The following HUWE1 variants were observed in gnomAD, a reference collection of about 807,000 sequenced individuals.
HUWE1 encodes the protein E3 ubiquitin-protein ligase HUWE1.
HUWE1 carries 18 observed loss-of-function variants against 299.4 expected under a neutral mutation model. The ratio of observed to expected loss-of-function variants is 0.06; its 90% CI spans 0.04 to 0.09. The LOEUF (loss-of-function observed/expected upper bound fraction) is 0.09. Among genes scored for constraint, HUWE1 ranks in the 10% least tolerant of loss-of-function variants. The probability of loss-of-function intolerance (pLI) is 1.00; values close to 1 mark genes in which losing one functional copy is unlikely to be tolerated. For synonymous variants in HUWE1, 1,317 were observed against 1,286.1 expected (o/e 1.02, Z -0.51); for missense variants, 1,832 against 3,462.3 (o/e 0.53, Z 11.82).
At chrX:53,570,202 ACAGTCT>A (rs1337823667) in intron 47 of HUWE1, among the ~76,000 whole-genome samples, 1 of 103,368 alleles carries the variant, frequency 9.7e-6, no homozygotes, top group Non-Finnish European at 1.9e-5. Flanking sequence ...ATCGCACACC[ACAGTCT>A]CAAACTCCTG....
In HUWE1 at chrX:53,541,564, A is replaced by AC. The variant is rs782734861; in HGVS notation, c.11476+878dup. 6.3e-5 allele frequency among the ~76,000 whole-genome samples: 7 copies of AC among 111,829 alleles called. No individual in the cohort carries two copies. In the South Asian group the frequency reaches 2.6e-3, roughly 42 times the overall value. The stretch of plus-strand genomic sequence containing the variant: ...AGCCGAGATTGCACCACTGCACTCC[A>AC]CCCTGGGAGACAGAGCTAGACTCTG... On this transcript the variant is annotated intron_variant, in intron 74 of 83. Transcript: ENST00000262854.
At chrX:53,659,395 C>G (rs1166342416) in intron 3 of HUWE1, among the ~76,000 whole-genome samples, 1 of 111,782 alleles carries the variant, frequency 8.9e-6, no homozygotes, top group African/African-American at 3.3e-5. Context: ...CATGAACAAA[C>G]ATGGAGGAAA....
At chrX:53,611,200 A>G (rs2065441416) in intron 23 of HUWE1, among the ~76,000 whole-genome samples, 2 of 109,295 alleles carry the variant, frequency 1.8e-5, no homozygotes, top group Non-Finnish European at 1.9e-5. Flanking sequence ...AAAAAAAAAA[A>G]AAAAAAAAAG....
chrX:53,547,216 G>A (rs1053657556), intron 68 of HUWE1, among the ~76,000 whole-genome samples: 1 of 111,934 alleles, frequency 8.9e-6, no homozygotes, highest in Non-Finnish European at 1.9e-5. Context: ...ACTAATCTGT[G>A]GCAGGGCTCA....
chrX:53,595,061 A>G lies in HUWE1; in HGVS notation c.3380+126T>C, dbSNP rs1205414081. The G allele has an allele frequency of 1.1e-5, 6 of 546,549 alleles. No individual in the cohort carries two copies. The African/African-American group carries it at 1.4e-4, about 13-fold the overall frequency. 45.0% of individuals were successfully genotyped at this position (546,549 alleles called of 1,213,427 possible). A position where few individuals can be genotyped will look rare whatever the true frequency, so the allele number is the denominator to read the frequency against. Reference sequence around the variant, plus strand: ...ACAAGTAACTTACACTTCATTTTCTAGAGTAAACAAGGGACCTCCAAATTC... The same window carrying G: ...ACAAGTAACTTACACTTCATTTTCTGGAGTAAACAAGGGACCTCCAAATTC... On this transcript the variant is annotated intron_variant, in intron 30 of 83. Coordinates refer to ENST00000262854, the MANE Select transcript of HUWE1 (RefSeq NM_031407.7).
In HUWE1 at chrX:53,583,938, G is replaced by C. The variant is rs1556970591; in HGVS notation, c.5162-22C>G. ...GTATCTATAAAATGGGAAAATAACA[G>C]TTTTAGACAGTTTAACTTGATGTTT... On this transcript the variant is annotated intron_variant, in intron 41 of 83. Coordinates refer to ENST00000262854, the MANE Select transcript of HUWE1 (RefSeq NM_031407.7). 3 of 1,103,420 alleles carry C rather than the reference G, an allele frequency of 2.7e-6. No homozygotes were observed. In the East Asian group the frequency reaches 9.0e-5, roughly 33 times the overall value. 90.9% of individuals were successfully genotyped at this position (1,103,420 alleles called of 1,213,427 possible).
At chrX:53,613,701 A>G (rs1240347652) in intron 23 of HUWE1, among the ~76,000 whole-genome samples, 1 of 111,699 alleles carries the variant, frequency 9.0e-6, no homozygotes, top group Non-Finnish European at 1.9e-5. Context: ...GTAAATTCCA[A>G]AGCCTTCTAC....
At position 53,573,943 on chromosome X, in the gene HUWE1, C is replaced by T. The variant is rs1556955521; in HGVS notation, c.6119G>A (p.Arg2040Gln). 13 of 1,208,420 alleles carry T rather than the reference C, an allele frequency of 1.1e-5. No individual in the cohort carries two copies. Among genetic ancestry groups the T allele is most frequent in the Admixed American group, 2.2e-5 (1 of 45,793 alleles). Residue 2040 changes from arginine to glutamine, a missense_variant, in exon 47 of 84, where the codon CGA becomes CAA. Transcript: ENST00000262854. ...QGEASTPEES[R>Q]DGKKDKEGDR... ...CCCTTCTTTATCTTTCTTCCCATCT[C>T]GAGACTCCTCTGGAGTTGAAGCTGT...
At chrX:53,548,530 C>G (rs188761482) in intron 67 of HUWE1, among the ~76,000 whole-genome samples, 2 of 112,959 alleles carry the variant, frequency 1.8e-5, no homozygotes, top group East Asian at 5.5e-4. Flanking sequence ...GAGATAACTA[C>G]ACTTCCTTGC....
chrX:53,546,919 G>A, intron 68 of HUWE1, 94 bp from the exon 69 acceptor site: 1 of 1,057,087 alleles, frequency 9.5e-7, no homozygotes, highest in East Asian at 3.3e-5. Flanking sequence ...ATTGCCCAGG[G>A]CTTCAAAATG....
chrX:53,588,365 A>T lies in HUWE1; in HGVS notation c.4614+17T>A, dbSNP rs1556975175. On this transcript the variant is annotated intron_variant, in intron 37 of 83. Transcript: ENST00000262854. The stretch of plus-strand genomic sequence containing the variant: ...TTTCATGAATGAATTACAAGGCCCC[A>T]AAGATCTAAATCTTACCTCAAAAAG... 1 of 1,203,899 alleles carries T rather than the reference A, an allele frequency of 8.3e-7. No individual in the cohort carries two copies. Among genetic ancestry groups the T allele is most frequent in the Non-Finnish European group, 1.1e-6 (1 of 890,604 alleles).
rs2062955752 is a variant in HUWE1, at chrX:53,573,827, C to A, written c.6235G>T (p.Val2079Leu). The change falls in exon 47 of 84, where the codon GTG becomes TTG. Residue 2079 changes from valine to leucine, a missense_variant. Around this residue, in one of 15 missense-constraint regions of HUWE1, gnomAD observed 157 missense variants for 252.3 expected, o/e 0.62. Transcript: ENST00000262854. ...GTAGCAATACCAACATAGGACCTCA[C>A]CAACTCTGCCAGAAGACGAAGGATA... is the stretch of plus-strand genomic sequence containing the variant. ...STILRLLAELVRSYVGIATLI... is the reference protein window; with the variant it reads ...STILRLLAELLRSYVGIATLI... 8.3e-7 allele frequency: 1 copy of A among 1,209,556 alleles called. No homozygotes were observed. The highest frequency in any genetic ancestry group is 1.1e-6 in the Non-Finnish European group (1 of 894,508).
chrX:53,546,668 C>T, intron 69 of HUWE1, 36 bp downstream of exon 69: 9 of 1,210,616 alleles, frequency 7.4e-6, no homozygotes, highest in Non-Finnish European at 1.0e-5. Context: ...ATCCTTTCTC[C>T]CCAAGTCTTA....
rs782360767 is a variant in HUWE1 at position 53,549,181 on chromosome X, C to G, written c.9813G>C (p.Leu3271=). Reference sequence around the variant, plus strand: ...AGCTCTTTGACTCCATCTTGTGTAGCAGGTCCAGGGGACGGTTCTCATGGC... The same window carrying G: ...AGCTCTTTGACTCCATCTTGTGTAGGAGGTCCAGGGGACGGTTCTCATGGC... ...SSSHENRPLD[L]LHKMESKSSN... Residue 3271 remains leucine (L), a synonymous_variant, in exon 67 of 84, where the codon CTG becomes CTC. Coordinates refer to ENST00000262854, the MANE Select transcript of HUWE1 (RefSeq NM_031407.7). 1.6e-6 allele frequency: 2 copies of G among 1,212,185 alleles called. No homozygotes were observed. The highest frequency in any genetic ancestry group is 3.5e-5 in the South Asian group (2 of 57,025).
In HUWE1 at chrX:53,603,420, A is replaced by G. The variant is rs2064988897; in HGVS notation, c.2824T>C (p.Cys942Arg). ...ACAGTGCTTTCCCACACCAGGGAAC[A>G]GTATAACTGGCTCAGCTTGCTCAAA... ...SVLSKLSQLY[C>R]SLVWESTVLL... is the part of the protein sequence containing the mutation. The change falls in exon 27 of 84, where the codon TGT becomes CGT. Residue 942 changes from cysteine (C) to arginine (R), a missense_variant. Physicochemically the swap from Cys to Arg is radical, Grantham distance 180. Coordinates refer to ENST00000262854, the MANE Select transcript of HUWE1 (RefSeq NM_031407.7). 1 of 1,208,073 alleles carries G rather than the reference A, an allele frequency of 8.3e-7. No individual in the cohort carries two copies. Among genetic ancestry groups the G allele is most frequent in the African/African-American group, 1.7e-5 (1 of 57,746 alleles).
At chrX:53,682,640 C>T (rs1220868053) in intron 2 of HUWE1, among the ~76,000 whole-genome samples, 1 of 110,508 alleles carries the variant, frequency 9.0e-6, no homozygotes, top group East Asian at 2.8e-4. Flanking sequence ...GATTCAGCTC[C>T]TGGAAAAGGA....
chrX:53,547,913 C>G lies in HUWE1; in HGVS notation c.10396G>C (p.Glu3466Gln). The G allele has an allele frequency of 1.7e-6, 2 of 1,210,961 alleles. No individual in the cohort carries two copies. The highest frequency in any genetic ancestry group is 2.2e-6 in the Non-Finnish European group (2 of 895,248). The change falls in exon 68 of 84, where the codon GAA becomes CAA. Residue 3466 changes from glutamate (E) to glutamine (Q), a missense_variant. Around this residue, in one of 15 missense-constraint regions of HUWE1, gnomAD observed 119 missense variants for 124.6 expected, o/e 0.96. Coordinates refer to ENST00000262854, the MANE Select transcript of HUWE1 (RefSeq NM_031407.7). ...LLSLISIALP[E>Q]NKVSEAQANS... Reference sequence around the variant, plus strand: ...GCCTGTGCTTCTGACACCTTGTTTTCTGGGAGAGCAATTGAGATGAGAGAA... The same window carrying G: ...GCCTGTGCTTCTGACACCTTGTTTTGTGGGAGAGCAATTGAGATGAGAGAA...
chrX:53,544,171 C>T lies in HUWE1; in HGVS notation c.11252-203G>A, dbSNP rs147361825. 7.0e-3 allele frequency among the ~76,000 whole-genome samples: 784 copies of T among 112,178 alleles called. 7 individuals are homozygous for T. Among genetic ancestry groups the T allele is most frequent in the African/African-American group, 0.025 (761 of 30,868 alleles). On this transcript the variant is annotated intron_variant, in intron 72 of 83. Coordinates refer to ENST00000262854, the MANE Select transcript of HUWE1 (RefSeq NM_031407.7). ...GGCAGGGGGCATGATGCTAGACAGA[C>T]GGATGGTTTTGTGCGAGAGGGTTCT...
In HUWE1 at chrX:53,585,204, C is replaced by T. The variant is rs1190411867; in HGVS notation, c.4825-16G>A. 1 of 1,207,776 alleles carries T rather than the reference C, an allele frequency of 8.3e-7. No homozygotes were observed. The highest frequency in any genetic ancestry group is 1.1e-6 in the Non-Finnish European group (1 of 891,851). ...ATTGCAGGTACTAAACATAAAAGTA[C>T]AAAGTTTCTTTGTATTTCTTTCAAG... On this transcript the variant is annotated splice_polypyrimidine_tract_variant and intron_variant, in intron 39 of 83. Transcript: ENST00000262854.
Sources: allele counts gnomAD v4.1 joint callset (sites outside exome capture counted in the v4.1 genomes callset), GRCh38; gene constraint gnomAD v4.1.1; regional missense constraint gnomAD v4.1.1; transcripts MANE v1.5; gene names NCBI Gene and HGNC (gene_info 2026-07-23, HGNC 2026-07-21).